MOGS: variants seen among roughly 807,000 people sequenced by gnomAD.
MOGS encodes epididymis secretory sperm binding protein.
A neutral mutation model predicts 68.5 loss-of-function variants in MOGS; 45 were observed. The ratio of observed to expected loss-of-function variants is 0.66; its 90% CI spans 0.52 to 0.84. The LOEUF (loss-of-function observed/expected upper bound fraction) is 0.84. MOGS is among the 40% of genes least tolerant of loss of function. The pLI is 0.00. For synonymous variants in MOGS, 492 were observed against 461.2 expected (o/e 1.07, Z -0.86); for missense variants, 1,020 against 1,095.0 (o/e 0.93, Z 0.97).
rs1430278910 is a variant in MOGS at position 74,462,418 on chromosome 2, C to T, written c.1371G>A (p.Leu457=). The part of the protein sequence containing the change: ...GFLWDEGFHQ[L]VVQRWDPSLT... ...GGGAGGGATCCCACCGCTGAACCAC[C>T]AGCTGGTGAAAGCCTTCATCCCAAA... Residue 457 remains leucine, a synonymous_variant, in exon 4 of 4, where the codon CTG becomes CTA. Coordinates refer to ENST00000448666, the MANE Select transcript of MOGS (RefSeq NM_006302.3). 1 of 1,613,736 alleles carries T rather than the reference C, an allele frequency of 6.2e-7. No individual in the cohort carries two copies. Among genetic ancestry groups the T allele is most frequent in the South Asian group, 1.1e-5 (1 of 91,072 alleles).
rs780530394 is a variant in MOGS, at chr2:74,463,020, G to T, written c.777-8C>A. 3 of 1,613,938 alleles carry T rather than the reference G, an allele frequency of 1.9e-6. No homozygotes were observed. Among genetic ancestry groups the T allele is most frequent in the East Asian group, 4.5e-5 (2 of 44,894 alleles). ...GTCCAGAAGACATTGTAGCTTGAAG[G>T]GGAGAAGATAAATAGGAAATATTAT... On this transcript the variant is annotated splice_polypyrimidine_tract_variant and splice_region_variant and intron_variant, in intron 3 of 3. Coordinates refer to ENST00000448666, the MANE Select transcript of MOGS (RefSeq NM_006302.3).
chr2:74,464,765 G>A, intron 1 of MOGS, 43 bp from the exon 2 acceptor site: 1 of 1,585,342 alleles, frequency 6.3e-7, no homozygotes, highest in Non-Finnish European at 8.6e-7. Flanking sequence ...CAGGGGACCT[G>A]TCCCTCCGGG....
intron 1 of MOGS, 70 bp downstream of exon 1, chr2:74,464,826 T>G: frequency 6.4e-7 from 1 of 1,562,462 alleles, no homozygotes; most frequent in Non-Finnish European, 8.7e-7. Context: ...CTTCCCACCC[T>G]TGCTCTCGCT....
At position 74,465,186 on chromosome 2, in the gene MOGS, C is replaced by T. The variant is rs755120968; in HGVS notation, c.62G>A (p.Arg21Lys). Reference sequence around the variant, plus strand: ...TCGCCCGGGGCCTCCCCGAGCCGCCCTCTCGGCTGTCCGCACTCCCTCTGC... The same window carrying T: ...TCGCCCGGGGCCTCCCCGAGCCGCCTTCTCGGCTGTCCGCACTCCCTCTGC... The part of the protein sequence containing the change: ...VPAEGVRTAE[R>K]AARGGPGRRD... The change falls in exon 1 of 4, where the codon AGG becomes AAG. Residue 21 changes from arginine (R) to lysine (K), a missense_variant. This residue lies in a region of MOGS where 569 missense variants were observed against 571.9 expected (regional missense o/e 0.99). Transcript: ENST00000448666. The T allele has an allele frequency of 2.5e-5, 38 of 1,534,904 alleles. No individual in the cohort carries two copies. The highest frequency in any genetic ancestry group is 1.2e-4 in the Admixed American group (6 of 51,178).
At position 74,461,337 on chromosome 2, in the gene MOGS, C is replaced by G; in HGVS notation, c.2452G>C (p.Gly818Arg). The change falls in exon 4 of 4, where the codon GGC becomes CGC. Residue 818 changes from glycine (G) to arginine (R), a missense_variant. By Grantham distance (125) the Gly-to-Arg change is moderately radical (BLOSUM62 -2). This residue lies in a region of MOGS where 270 missense variants were observed against 261.3 expected (regional missense o/e 1.03). Coordinates refer to ENST00000448666, the MANE Select transcript of MOGS (RefSeq NM_006302.3). Reference sequence around the variant, plus strand: ...GTCCAGCCGTGGAAAGGGCGGCAGCCCATGCCTCGCCCATCGCGGTCACTG... The same window carrying G: ...GTCCAGCCGTGGAAAGGGCGGCAGCGCATGCCTCGCCCATCGCGGTCACTG... ...QYSDRDGRGM[G>R]CRPFHGWTSL... The G allele has an allele frequency of 6.2e-7, 1 of 1,614,132 alleles. No homozygotes were observed. Among genetic ancestry groups the G allele is most frequent in the Non-Finnish European group, 8.5e-7 (1 of 1,180,048 alleles).
intron 2 of MOGS, among the ~76,000 whole-genome samples, chr2:74,463,906 G>A (rs1438683477): frequency 6.0e-5 from 9 of 150,302 alleles, no homozygotes; most frequent in East Asian, 3.9e-4. Flanking sequence ...CTCATGATCC[G>A]CCCGCCTCAG....
rs776298225 is a variant in MOGS at position 74,464,991 on chromosome 2, G to T, written c.257C>A (p.Ser86Tyr). The T allele has an allele frequency of 3.8e-6, 6 of 1,559,922 alleles. No homozygotes were observed. In the South Asian group the frequency reaches 7.1e-5, roughly 18 times the overall value. The stretch of plus-strand genomic sequence containing the variant: ...GAGGTCCGGGGCCACGGCGGGGCTG[G>T]AGGAGTCGGCAGGCAACACAGGAGG... ...SAPPVLPADS[S>Y]SPAVAPDLFW... Residue 86 changes from serine to tyrosine, a missense_variant, in exon 1 of 4, where the codon TCC (serine) becomes TAC (tyrosine). Transcript: ENST00000448666.
rs1240890677 is a variant in MOGS, at chr2:74,462,328, C to G, written c.1461G>C (p.Glu487Asp). 86 of 1,613,914 alleles carry G rather than the reference C, an allele frequency of 5.3e-5. No homozygotes were observed. The highest frequency in any genetic ancestry group is 7.2e-5 in the Non-Finnish European group (85 of 1,180,026). Reference sequence around the variant, plus strand: ...CTCGGGCCTCATCCCCCAGTATCTGCTCCCTCCCAATCCAGCCATCAGCAT... The same window carrying G: ...CTCGGGCCTCATCCCCCAGTATCTGGTCCCTCCCAATCCAGCCATCAGCAT... ...LLNADGWIGR[E>D]QILGDEARAR... The change falls in exon 4 of 4, where the codon GAG becomes GAC. Residue 487 changes from glutamate (E) to aspartate (D), a missense_variant. Physicochemically the swap from Glu to Asp is conservative, Grantham distance 45. Around this residue, in one of 3 missense-constraint regions of MOGS, gnomAD observed 181 missense variants for 261.8 expected, o/e 0.69. Coordinates refer to ENST00000448666, the MANE Select transcript of MOGS (RefSeq NM_006302.3).
Position 74,464,728 on chromosome 2 carries a change from G to A in MOGS, c.353-6C>T, listed in dbSNP as rs1378251855. 4 of 1,608,776 alleles carry A rather than the reference G, an allele frequency of 2.5e-6. No individual in the cohort carries two copies. Among genetic ancestry groups the A allele is most frequent in the Admixed American group, 1.7e-5 (1 of 59,798 alleles). ...CTGCTGCGCCCACATCAGTCCTGGG[G>A]GTAGAATGGCCACGTAAGTCAAAGA... is the stretch of plus-strand genomic sequence containing the variant. On this transcript the variant is annotated splice_polypyrimidine_tract_variant and splice_region_variant and intron_variant, in intron 1 of 3. Transcript: ENST00000448666.
At chr2:74,463,515 G>T in intron 2 of MOGS, 129 bp from the exon 3 acceptor site, 1 of 976,118 alleles carries the variant, frequency 1.0e-6, no homozygotes, top group Non-Finnish European at 1.6e-6. Context: ...CATACGTCTG[G>T]CAGTAATGAG....
rs764545150 is a variant in MOGS at position 74,462,477 on chromosome 2, C to T, written c.1312G>A (p.Val438Met). The T allele has an allele frequency of 2.5e-6, 4 of 1,610,572 alleles. No homozygotes were observed. Among genetic ancestry groups the T allele is most frequent in the Non-Finnish European group, 3.4e-6 (4 of 1,177,674 alleles). ...LFPPVPLFTA[V>M]PSRSFFPRGF... Reference sequence around the variant, plus strand: ...CGTGGGAAGAATGACCGGGAGGGCACTGCTGTAAAAAGAGGTACGGGTGGA... The same window carrying T: ...CGTGGGAAGAATGACCGGGAGGGCATTGCTGTAAAAAGAGGTACGGGTGGA... The change falls in exon 4 of 4, where the codon GTG becomes ATG. Residue 438 changes from valine to methionine, a missense_variant. Coordinates refer to ENST00000448666, the MANE Select transcript of MOGS (RefSeq NM_006302.3).
chr2:74,462,338 A>G lies in MOGS; in HGVS notation c.1451T>C (p.Ile484Thr). The G allele has an allele frequency of 6.2e-7, 1 of 1,613,864 alleles. No individual in the cohort carries two copies. The highest frequency in any genetic ancestry group is 1.3e-5 in the African/African-American group (1 of 75,012). The change falls in exon 4 of 4, where the codon ATT (isoleucine) becomes ACT (threonine). Residue 484 changes from isoleucine to threonine, a missense_variant. By Grantham distance (89) the Ile-to-Thr change is moderately conservative (BLOSUM62 -1). Transcript: ENST00000448666. ...WLGLLNADGW[I>T]GREQILGDEA... is the part of the protein sequence containing the mutation. The stretch of plus-strand genomic sequence containing the variant: ...ATCCCCCAGTATCTGCTCCCTCCCA[A>G]TCCAGCCATCAGCATTTAGCAGCCC...
At position 74,462,986 on chromosome 2, in the gene MOGS, G is replaced by A; in HGVS notation, c.803C>T (p.Pro268Leu). The A allele has an allele frequency of 6.2e-7, 1 of 1,614,096 alleles. No individual in the cohort carries two copies. The highest frequency in any genetic ancestry group is 1.1e-5 in the South Asian group (1 of 91,090). ...CATCTCTGTCAGCAGGGGCAGTCCT[G>A]GGTTGGAGGTCCAGAAGACATTGTA... is the stretch of plus-strand genomic sequence containing the variant. ...GSYNVFWTSNPGLPLLTEMVK... is the reference protein window; with the variant it reads ...GSYNVFWTSNLGLPLLTEMVK... The change falls in exon 4 of 4, where the codon CCA becomes CTA. Residue 268 changes from proline (P) to leucine (L), a missense_variant. Physicochemically the swap from Pro to Leu is moderately conservative, Grantham distance 98. Transcript: ENST00000448666.
chr2:74,461,444 T>A lies in MOGS; in HGVS notation c.2345A>T (p.Lys782Ile). 6.2e-7 allele frequency: 1 copy of A among 1,614,192 alleles called. No homozygotes were observed. Among genetic ancestry groups the A allele is most frequent in the Non-Finnish European group, 8.5e-7 (1 of 1,180,030 alleles). ...LEGPHQARAA[K>I]LHGELRANVV... ...GTTGGCACGGAGCTCACCGTGGAGT[T>A]TGGCAGCCCGAGCCTGGTGAGGACC... Residue 782 changes from lysine (K) to isoleucine (I), a missense_variant, in exon 4 of 4, where the codon AAA (lysine) becomes ATA (isoleucine). Physicochemically the swap from Lys to Ile is moderately radical, Grantham distance 102 (BLOSUM62 -3). Coordinates refer to ENST00000448666, the MANE Select transcript of MOGS (RefSeq NM_006302.3).
rs1484924781 is a variant in MOGS, at chr2:74,462,756, C to T, written c.1033G>A (p.Gly345Arg). 1 of 1,614,238 alleles carries T rather than the reference C, an allele frequency of 6.2e-7. No individual in the cohort carries two copies. The highest frequency in any genetic ancestry group is 1.7e-5 in the Admixed American group (1 of 60,032). Residue 345 changes from glycine to arginine, a missense_variant, in exon 4 of 4, where the codon GGA (glycine) becomes AGA (arginine). Transcript: ENST00000448666. The part of the protein sequence containing the change: ...VFESGSAQAG[G>R]NQALPRLAGS... ...GCCAGTCTTGGCAGGGCTTGATTTC[C>T]TCCTGCCTGGGCACTGCCTGATTCA...
At position 74,464,896 on chromosome 2, in the gene MOGS, C is replaced by A; in HGVS notation, c.352G>T (p.Gly118Ter). The change falls in exon 1 of 4, where the codon GGA becomes TGA. Residue 118 changes from glycine (G) to a stop codon, truncating the protein, a stop_gained and splice_region_variant. Coordinates refer to ENST00000448666, the MANE Select transcript of MOGS (RefSeq NM_006302.3). LOFTEE classifies it high-confidence loss of function. ...KTRSPKPLLT[G>*]LMWAQQGTTP... is the part of the protein sequence containing the mutation. ...CCTGCCCGCCCTGGGGCCCGGTTAC[C>A]GGTGAGGAGGGGCTTCGGGCTGCGG... 6.2e-7 allele frequency: 1 copy of A among 1,605,732 alleles called. No individual in the cohort carries two copies. The highest frequency in any genetic ancestry group is 8.5e-7 in the Non-Finnish European group (1 of 1,175,846).
chr2:74,463,299 C>T lies in MOGS; in HGVS notation c.667G>A (p.Ala223Thr). The T allele has an allele frequency of 6.2e-7, 1 of 1,614,192 alleles. No individual in the cohort carries two copies. The highest frequency in any genetic ancestry group is 8.5e-7 in the Non-Finnish European group (1 of 1,180,034). ...GKEVLLPEVG[A>T]KGQLKFISGH... ...CTGATAAACTTCAACTGCCCCTTGG[C>T]CCCAACCTCTGGTAGTAGGACTTCC... Residue 223 changes from alanine to threonine, a missense_variant, in exon 3 of 4, where the codon GCC (alanine) becomes ACC (threonine). Ala to Thr is a moderately conservative substitution (Grantham distance 58). This residue lies in a region of MOGS where 569 missense variants were observed against 571.9 expected (regional missense o/e 0.99). Coordinates refer to ENST00000448666, the MANE Select transcript of MOGS (RefSeq NM_006302.3).
Position 74,462,059 on chromosome 2 carries a change from G to A in MOGS, c.1730C>T (p.Thr577Ile), listed in dbSNP as rs1671927018. ...GTAGTCATCCAGCCCAGAGGGTAGG[G>A]TCTTGGGGTTCAGTAAGGTTGGTAA... The part of the protein sequence containing the change: ...PALPTLLNPK[T>I]LPSGLDDYPR... The change falls in exon 4 of 4, where the codon ACC (threonine) becomes ATC (isoleucine). Residue 577 changes from threonine (T) to isoleucine (I), a missense_variant. Coordinates refer to ENST00000448666, the MANE Select transcript of MOGS (RefSeq NM_006302.3). 1 of 1,614,200 alleles carries A rather than the reference G, an allele frequency of 6.2e-7. No homozygotes were observed.
intron 1 of MOGS, 53 bp from the exon 2 acceptor site, chr2:74,464,775 GTC>G (rs1327057442): frequency 6.3e-7 from 1 of 1,577,304 alleles, no homozygotes; most frequent in Non-Finnish European, 8.7e-7. Context: ...GTCCCTCCGG[GTC>G]TCCGGGTCAT....
Sources: allele counts gnomAD v4.1 joint callset (sites outside exome capture counted in the v4.1 genomes callset), GRCh38; gene constraint gnomAD v4.1.1; regional missense constraint gnomAD v4.1.1; transcripts MANE v1.5; gene names NCBI Gene and HGNC (gene_info 2026-07-23, HGNC 2026-07-21).